Variants in SYNJ1 observed in about 807,000 individuals in gnomAD.
SYNJ1 encodes the protein polyphosphatidylinositol phosphatase SYNJ1.
In SYNJ1, 78 loss-of-function variants were observed where a neutral mutation model predicts 168.2. That is an observed-to-expected ratio of 0.46 (90% confidence interval 0.39 to 0.56). The LOEUF (loss-of-function observed/expected upper bound fraction) is 0.56. SYNJ1 is among the 20% of genes least tolerant of loss of function. The pLI, the probability that SYNJ1 is intolerant of heterozygous loss-of-function variation, is 0.00. For missense variants in SYNJ1, 1,303 were observed against 1,597.6 expected, an observed-to-expected ratio of 0.82 and a Z score of 3.14; for synonymous variants, 539 against 548.6, an observed-to-expected ratio of 0.98 and a Z score of 0.24.
chr21:32,638,868 T>G, intron 31 of SYNJ1, 40 bp downstream of exon 31: 1 of 1,530,644 alleles, frequency 6.5e-7, no homozygotes, highest in African/African-American at 1.4e-5. Flanking sequence ...CTAAATCATA[T>G]GCATCAAAGA....
intron 9 of SYNJ1, among the ~76,000 whole-genome samples, 155 bp downstream of exon 9, chr21:32,685,593 T>G (rs1423886999): frequency 2.6e-5 from 4 of 151,858 alleles, no homozygotes; most frequent in African/African-American, 7.2e-5. Flanking sequence ...AGTGAGGCCC[T>G]ATTTCAAAAT....
chr21:32,662,442 C>T (rs897949251), intron 18 of SYNJ1, among the ~76,000 whole-genome samples: 2 of 152,074 alleles, frequency 1.3e-5, no homozygotes, highest in African/African-American at 2.4e-5. Context: ...ACACTCAGTA[C>T]GAGGTATGTA....
intron 3 of SYNJ1, among the ~76,000 whole-genome samples, chr21:32,700,409 C>A (rs1317891446): frequency 6.6e-6 from 1 of 152,140 alleles, no homozygotes; most frequent in Non-Finnish European, 1.5e-5. Flanking sequence ...AATCCCAGCA[C>A]TTTGGGAGGC....
At chr21:32,675,368 C>T (rs1353745735) in intron 13 of SYNJ1, among the ~76,000 whole-genome samples, 7 of 151,792 alleles carry the variant, frequency 4.6e-5, no homozygotes, top group Admixed American at 4.6e-4. Context: ...CCTTAATGTG[C>T]TTAAAGAAAC....
intron 24 of SYNJ1, 25 bp downstream of exon 24, chr21:32,646,368 C>T (rs755069319): frequency 8.7e-6 from 14 of 1,606,574 alleles, no homozygotes; most frequent in African/African-American, 1.3e-5. Flanking sequence ...GGAAGCCATA[C>T]AAAACTTTCA....
chr21:32,726,946 T>C, intron 1 of SYNJ1, 29 bp from the exon 2 acceptor site: 1 of 1,609,594 alleles, frequency 6.2e-7, no homozygotes, highest in Non-Finnish European at 8.5e-7. Flanking sequence ...GCAAAGCAAA[T>C]GAAGCTGATG....
intron 27 of SYNJ1, among the ~76,000 whole-genome samples, chr21:32,642,718 G>A (rs1393842520): frequency 6.6e-6 from 1 of 152,234 alleles, no homozygotes; most frequent in East Asian, 1.9e-4. Context: ...ATGGAAGACA[G>A]TGTTAAAAAT....
Position 32,681,151 on chromosome 21 carries a change from A to G in SYNJ1, c.1353+345T>C, listed in dbSNP as rs113409617. 7.2e-5 allele frequency among the ~76,000 whole-genome samples: 11 copies of G among 152,324 alleles called. 1 individual carries two copies. Among genetic ancestry groups the G allele is most frequent in the African/African-American group, 2.6e-4 (11 of 41,576 alleles). Reference sequence around the variant, plus strand: ...TTATTAAGAGGTCTATGGTTTTAAAAATCATATTTGTAATCAAAACAAACA... The same window carrying G: ...TTATTAAGAGGTCTATGGTTTTAAAGATCATATTTGTAATCAAAACAAACA... On this transcript the variant is annotated intron_variant, in intron 11 of 32. Transcript: ENST00000674351.
intron 1 of SYNJ1, among the ~76,000 whole-genome samples, chr21:32,727,668 G>A (rs1601566332): frequency 6.6e-6 from 1 of 152,166 alleles, no homozygotes; most frequent in Non-Finnish European, 1.5e-5. Flanking sequence ...CCATTTATGC[G>A]CCAGAAGAGA....
chr21:32,664,872 C>A, intron 18 of SYNJ1, 41 bp downstream of exon 18: 1 of 1,502,688 alleles, frequency 6.7e-7, no homozygotes, highest in Non-Finnish European at 8.9e-7. Context: ...GTTTCACGAC[C>A]CAAAATCTTA....
intron 2 of SYNJ1, among the ~76,000 whole-genome samples, chr21:32,718,033 T>C (rs139566415): frequency 6.6e-6 from 1 of 152,234 alleles, no homozygotes; most frequent in African/African-American, 2.4e-5. Flanking sequence ...AATCATTCCA[T>C]GTATTTTGTT....
At position 32,631,265 on chromosome 21, in the gene SYNJ1, G is replaced by A. The variant is rs141012977; in HGVS notation, c.*540C>T. The A allele has an allele frequency of 9.9e-6, 16 of 1,614,168 alleles. No homozygotes were observed. The highest frequency in any genetic ancestry group is 5.0e-5 in the Admixed American group (3 of 60,022). On this transcript the variant is annotated 3_prime_UTR_variant, in exon 33 of 33. Coordinates refer to ENST00000674351, the MANE Select transcript of SYNJ1 (RefSeq NM_203446.3). ...TCACACCAAAATCCTCTTCTTCCTCGAAGGTTACCCATCCTTTCGGGTTGC... is the reference window on the plus strand; with the variant it reads ...TCACACCAAAATCCTCTTCTTCCTCAAAGGTTACCCATCCTTTCGGGTTGC...
chr21:32,707,613 C>T (rs1393912144), intron 2 of SYNJ1, among the ~76,000 whole-genome samples: 1 of 152,134 alleles, frequency 6.6e-6, no homozygotes, highest in Non-Finnish European at 1.5e-5. Flanking sequence ...GGATTACAGG[C>T]ATGAGCAACT....
chr21:32,707,175 C>T (rs993416534), intron 2 of SYNJ1, among the ~76,000 whole-genome samples: 1 of 152,116 alleles, frequency 6.6e-6, no homozygotes, highest in Non-Finnish European at 1.5e-5. Flanking sequence ...ACTTCCCTTC[C>T]CAAAGATTTT....
At chr21:32,661,915 T>C (rs183158081) in intron 18 of SYNJ1, among the ~76,000 whole-genome samples, 64 of 152,168 alleles carry the variant, frequency 4.2e-4, no homozygotes, top group African/African-American at 1.5e-3. Context: ...CTTGGGTAAA[T>C]GAGAGGTGTC....
intron 23 of SYNJ1, among the ~76,000 whole-genome samples, chr21:32,647,266 C>G (rs915794641): frequency 1.3e-5 from 2 of 152,220 alleles, no homozygotes; most frequent in African/African-American, 4.8e-5. Flanking sequence ...CCTCTACCCC[C>G]ACTTGCTACA....
intron 31 of SYNJ1, among the ~76,000 whole-genome samples, chr21:32,637,992 T>C (rs1372074297): frequency 1.3e-5 from 2 of 152,238 alleles, no homozygotes; most frequent in Admixed American, 6.5e-5. Context: ...CTTATAAATG[T>C]GTTAAAGGGA....
chr21:32,688,222 A>G, intron 7 of SYNJ1, 84 bp downstream of exon 7: 1 of 1,340,228 alleles, frequency 7.5e-7, no homozygotes, highest in African/African-American at 1.5e-5. Context: ...AAAGCCAAAA[A>G]AGTTTGAAGT....
In SYNJ1 at chr21:32,678,808, A is replaced by C; in HGVS notation, c.1354-7T>G. 6.2e-7 allele frequency: 1 copy of C among 1,605,660 alleles called. No homozygotes were observed. Among genetic ancestry groups the C allele is most frequent in the South Asian group, 1.1e-5 (1 of 88,792 alleles). On this transcript the variant is annotated splice_polypyrimidine_tract_variant and splice_region_variant and intron_variant, in intron 11 of 32. Coordinates refer to ENST00000674351, the MANE Select transcript of SYNJ1 (RefSeq NM_203446.3). Reference sequence around the variant, plus strand: ...AGCGAGCACCATCTTTTAACTTTCCAGCCTGTTAAGAAAGGAGCGCAGATT... The same window carrying C: ...AGCGAGCACCATCTTTTAACTTTCCCGCCTGTTAAGAAAGGAGCGCAGATT...
Sources: allele counts gnomAD v4.1 joint callset (sites outside exome capture counted in the v4.1 genomes callset), GRCh38; gene constraint gnomAD v4.1.1; transcripts MANE v1.5; gene names NCBI Gene and HGNC (gene_info 2026-07-23, HGNC 2026-07-21).